The following SLC49A3 variants were observed in gnomAD, a reference collection of about 807,000 sequenced individuals.
The protein encoded by SLC49A3 is solute carrier family 49 member A3.
SLC49A3 carries 50 observed loss-of-function variants against 43.8 expected under a neutral mutation model. The ratio of observed to expected loss-of-function variants is 1.14; its 90% confidence interval spans 0.91 to 1.45. The LOEUF (loss-of-function observed/expected upper bound fraction) is 1.45, where lower values mean the gene tolerates loss of function less well. Ranked by LOEUF, SLC49A3 falls within the 40% of genes most tolerant of loss-of-function variation. SLC49A3 has a pLI of 0.00. For missense variants in SLC49A3, 906 were observed against 774.1 expected, an observed-to-expected ratio of 1.17 and a Z score of -2.02; for synonymous variants, 413 against 352.0, an observed-to-expected ratio of 1.17 and a Z score of -1.94.
Position 683,503 on chromosome 4 carries a change from A to G in SLC49A3, c.993+106T>C, listed in dbSNP as rs73792339. ...CCACCCTGGCTGGCAGAGGCTGGGC[A>G]TGAGACAGTCCAGACCTCTGTTCCA... On this transcript the variant is annotated intron_variant, in intron 7 of 9. Coordinates refer to ENST00000322224, the MANE Select transcript of SLC49A3 (RefSeq NM_032219.4). The G allele has an allele frequency of 2.1e-3, 3,123 of 1,481,044 alleles. 66 individuals carry two copies. The African/African-American group carries it at 0.038, about 18-fold the overall frequency. 91.7% of individuals were successfully genotyped at this position (1,481,044 alleles called of 1,614,324 possible). A position where few individuals can be genotyped will look rare whatever the true frequency, so the allele number is the denominator to read the frequency against.
At chr4:677,155 G>T (rs963791060), downstream of SLC49A3, among the ~76,000 whole-genome samples, 17 of 152,176 alleles carry the variant, frequency 1.1e-4, no homozygotes, top group African/African-American at 2.4e-5. Flanking sequence ...CCACGCAGAC[G>T]CAGGCCTGGG....
chr4:677,937 G>A (rs1035955917), downstream of SLC49A3: 33 of 1,610,024 alleles, frequency 2.0e-5, no homozygotes, highest in Middle Eastern at 6.6e-4. Context: ...GGCAGCCGGA[G>A]TCTGAACTGT....
At chr4:679,668 G>C (rs371372440), downstream of SLC49A3, among the ~76,000 whole-genome samples, 3 of 152,296 alleles carry the variant, frequency 2.0e-5, no homozygotes, top group South Asian at 4.1e-4. Context: ...GCAGATCCCA[G>C]CACCTTCCCA....
chr4:679,865 C>A, downstream of SLC49A3: 1 of 1,541,428 alleles, frequency 6.5e-7, no homozygotes, highest in Non-Finnish European at 9.0e-7. Context: ...GCTGGTGGCA[C>A]AGGGCAGGCA....
In SLC49A3 at chr4:681,911, T is replaced by G. The variant is rs1739742293; in HGVS notation, c.*47A>C. On this transcript the variant is annotated 3_prime_UTR_variant, in exon 10 of 10. Coordinates refer to ENST00000322224, the MANE Select transcript of SLC49A3 (RefSeq NM_032219.4). ...CCCGCAGGTGGACCAGATGTTCCAGTTCGCCTCCATCGATGTGGCGGGCAA... is the reference window on the plus strand; with the variant it reads ...CCCGCAGGTGGACCAGATGTTCCAGGTCGCCTCCATCGATGTGGCGGGCAA... 2 of 1,318,720 alleles carry G rather than the reference T, an allele frequency of 1.5e-6. No homozygotes were observed. The highest frequency in any genetic ancestry group is 2.0e-6 in the Non-Finnish European group (2 of 1,024,126). The allele number at this position is 1,318,720 out of a possible 1,614,324, so 81.7% of individuals were successfully genotyped here.
downstream of SLC49A3, chr4:680,917 G>C (rs1447449971): frequency 5.5e-6 from 4 of 733,728 alleles, no homozygotes; most frequent in South Asian, 1.7e-5. Context: ...TCCCCCAGAA[G>C]TGATGGCCCC....
At chr4:676,835 C>T (rs1321868152), downstream of SLC49A3, 5 of 971,832 alleles carry the variant, frequency 5.1e-6, no homozygotes, top group Non-Finnish European at 6.1e-6. Flanking sequence ...TTGCAGTCGG[C>T]CCCAGGTCCC....
rs778363256 is a variant in SLC49A3, at chr4:682,891, C to T, written c.1152-1G>A. Reference sequence around the variant, plus strand: ...CATGATGAGTATTCCCTCGGCCTGCCTGGACACACGTGGCCCTCAGCCCCC... The same window carrying T: ...CATGATGAGTATTCCCTCGGCCTGCTTGGACACACGTGGCCCTCAGCCCCC... On this transcript the variant is annotated splice_acceptor_variant, in intron 8 of 9. Coordinates refer to ENST00000322224, the MANE Select transcript of SLC49A3 (RefSeq NM_032219.4). LOFTEE classifies it high-confidence loss of function. The T allele has an allele frequency of 6.3e-7, 1 of 1,586,568 alleles. No homozygotes were observed. The highest frequency in any genetic ancestry group is 8.6e-7 in the Non-Finnish European group (1 of 1,163,106).
At chr4:681,531 G>T (rs1404156605), downstream of SLC49A3, among the ~76,000 whole-genome samples, 1 of 112,344 alleles carries the variant, frequency 8.9e-6, no homozygotes, top group Non-Finnish European at 1.8e-5. Flanking sequence ...GACCCCACAC[G>T]GTCCTCCCCG....
intron 8 of SLC49A3, 26 bp from the exon 9 acceptor site, chr4:682,916 C>A: frequency 6.5e-7 from 1 of 1,538,556 alleles, no homozygotes. Context: ...CCTCAGCCCC[C>A]GCTGCACTGC....
In SLC49A3 at chr4:689,010, T is replaced by C. The variant is rs1741590893; in HGVS notation, c.118A>G (p.Asn40Asp). 1 of 1,595,838 alleles carries C rather than the reference T, an allele frequency of 6.3e-7. No individual in the cohort carries two copies. Among genetic ancestry groups the C allele is most frequent in the African/African-American group, 1.4e-5 (1 of 72,882 alleles). Residue 40 changes from asparagine to aspartate, a missense_variant, in exon 1 of 10, where the codon AAC (asparagine) becomes GAC (aspartate). Transcript: ENST00000322224. ...WVFLLAISLL[N>D]CSNATLWLSF... ...GCCCCTACCGTGGCGTTGGAGCAGT[T>C]GAGCAGGCTGATCGCGAGCAGGAAC... is the stretch of plus-strand genomic sequence containing the variant.
chr4:684,513 C>T lies in SLC49A3; in HGVS notation c.810G>A (p.Glu270=), dbSNP rs148723447. The T allele has an allele frequency of 7.4e-6, 12 of 1,613,216 alleles. No individual in the cohort carries two copies. In the African/African-American group the frequency reaches 1.5e-4, roughly 20 times the overall value. ...AGTGGCCGCTTGCACAGAGGATCTG[C>T]TCCAGGAGGGCTGAGAAGCTGGCAG... ...GISASFSALL[E]QILCASGHSS... The change falls in exon 6 of 10, where the codon GAG becomes GAA. Residue 270 remains glutamate (E), a synonymous_variant. Coordinates refer to ENST00000322224, the MANE Select transcript of SLC49A3 (RefSeq NM_032219.4).
At chr4:680,537 C>T (rs552551762), downstream of SLC49A3, 102 of 1,613,566 alleles carry the variant, frequency 6.3e-5, 2 homozygotes, top group South Asian at 6.8e-4. Flanking sequence ...CCATTCTTAA[C>T]GCCTTCAAGA....
upstream of SLC49A3, among the ~76,000 whole-genome samples, chr4:690,417 T>C (rs947348270): frequency 1.3e-5 from 2 of 150,452 alleles, no homozygotes; most frequent in Admixed American, 6.6e-5. Context: ...CCCCCACCAG[T>C]TCCTTCTGTT....
chr4:685,637 C>A lies in SLC49A3; in HGVS notation c.585+198G>T, dbSNP rs544054240. ...AGGGGAATTGCTTAAACCCAGTAGG[C>A]GGAGGTTGCAGTGAGCCGAGATCGC... On this transcript the variant is annotated intron_variant, in intron 4 of 9. Coordinates refer to ENST00000322224, the MANE Select transcript of SLC49A3 (RefSeq NM_032219.4). This position sits in a 1 kb window ranked among gnomAD's most constrained non-coding sequence, Gnocchi z 4.3. Among the ~76,000 whole-genome samples the A allele has an allele frequency of 6.6e-6, 1 of 151,994 alleles. No individual in the cohort carries two copies. Among genetic ancestry groups the A allele is most frequent in the Non-Finnish European group, 1.5e-5 (1 of 68,020 alleles).
downstream of SLC49A3, chr4:681,773 ACCCGGGCCCCTCCCCGCT>A: frequency 8.7e-7 from 1 of 1,150,564 alleles, no homozygotes; most frequent in Admixed American, 5.0e-5. Flanking sequence ...CTCACCCCGC[ACCCGGGCCCCTCCCCGCT>A]CCCCCTCCCG....
downstream of SLC49A3, chr4:680,601 C>T (rs545981600): frequency 4.3e-5 from 69 of 1,608,962 alleles, no homozygotes; most frequent in South Asian, 1.8e-4. Context: ...AGTGCCCGGG[C>T]GGCCAGGGCG....
chr4:685,353 A>T lies in SLC49A3; in HGVS notation c.585+482T>A, dbSNP rs2109426188. Among the ~76,000 whole-genome samples the T allele has an allele frequency of 2.0e-5, 3 of 152,002 alleles. No individual in the cohort carries two copies. The South Asian group carries it at 6.2e-4, about 32-fold the overall frequency. On this transcript the variant is annotated intron_variant, in intron 4 of 9. Transcript: ENST00000322224. The surrounding 1 kb of genome is among the most constrained non-coding windows in gnomAD (Gnocchi z 4.3). ...ACAATACACATGGGCACAGGAACAG[A>T]GACACGCACCGCACACACCACACAC...
chr4:681,047 T>C (rs1422926781), downstream of SLC49A3: 5 of 1,563,826 alleles, frequency 3.2e-6, no homozygotes, highest in African/African-American at 4.1e-5. Flanking sequence ...AGAAGGCTCC[T>C]GCACCCCCGC....
Sources: gnomAD v4.1 joint callset for allele counts (sites outside exome capture counted in the v4.1 genomes callset) on GRCh38, gnomAD v4.1.1 for gene constraint, Gnocchi (gnomAD v3.1) non-coding constraint, MANE v1.5 for transcripts, NCBI Gene and HGNC (gene_info 2026-07-23, HGNC 2026-07-21) for gene names.